The following DSG3 variants were observed in gnomAD, a reference collection of about 807,000 sequenced individuals.
DSG3 encodes the protein desmoglein-3.
A neutral mutation model predicts 85.9 loss-of-function variants in DSG3; 63 were observed. The ratio of observed to expected loss-of-function variants is 0.73; its 90% CI spans 0.60 to 0.90. The LOEUF is 0.90. Ranked by LOEUF, DSG3 falls within the 40% of genes least tolerant of loss-of-function variation. DSG3 has a pLI of 0.00. For missense variants in DSG3, 1,220 were observed against 1,219.9 expected (o/e 1.00, Z 0.00); for synonymous variants, 447 against 441.9 (o/e 1.01, Z -0.14).
chr18:31,458,600 G>C lies in DSG3; in HGVS notation c.372G>C (p.Leu124=). The change falls in exon 4 of 16, where the codon CTG becomes CTC. Residue 124 remains leucine (L), a splice_region_variant and synonymous_variant. Coordinates refer to ENST00000257189, the MANE Select transcript of DSG3 (RefSeq NM_001944.3). ...ACCGGGAGGAAACTCCAAGCTTCCTGGTAAGTTTGGGTCCTCAACATTGGG... is the reference window on the plus strand; with the variant it reads ...ACCGGGAGGAAACTCCAAGCTTCCTCGTAAGTTTGGGTCCTCAACATTGGG... The part of the protein sequence containing the change: ...IVDREETPSF[L]ITCRALNAQG... The C allele has an allele frequency of 6.2e-7, 1 of 1,611,916 alleles. No individual in the cohort carries two copies. The highest frequency in any genetic ancestry group is 1.1e-5 in the South Asian group (1 of 90,724).
At chr18:31,451,921 T>A (rs1309427027) in intron 1 of DSG3, among the ~76,000 whole-genome samples, 3 of 152,192 alleles carry the variant, frequency 2.0e-5, no homozygotes, top group Non-Finnish European at 4.4e-5. Context: ...CTTTGGGTAG[T>A]TCACCATAAG....
At chr18:31,464,922 A>G (rs1450415032) in intron 9 of DSG3, among the ~76,000 whole-genome samples, 2 of 152,012 alleles carry the variant, frequency 1.3e-5, no homozygotes, top group African/African-American at 4.8e-5. Flanking sequence ...GGATCACTTG[A>G]GGTTGGGAGT....
rs112018710 is a variant in DSG3, at chr18:31,460,081, C to T, written c.684+70C>T. 1.1e-3 allele frequency: 1,570 copies of T among 1,473,774 alleles called. 17 individuals carry two copies. In the African/African-American group the frequency reaches 0.02, roughly 18 times the overall value. The allele number at this position is 1,473,774 out of a possible 1,614,324, so 91.3% of individuals were successfully genotyped here. A position where few individuals can be genotyped will look rare whatever the true frequency, so the allele number is the denominator to read the frequency against. ...ATTATAAGAAAACCAAGAGAGGTGA[C>T]TCCATTTTACCCGAAAATTAAAAAA... On this transcript the variant is annotated intron_variant, in intron 6 of 15. Transcript: ENST00000257189.
rs2072774030 is a variant in DSG3 at position 31,460,016 on chromosome 18, A to T, written c.684+5A>T. 6.2e-7 allele frequency: 1 copy of T among 1,610,554 alleles called. No individual in the cohort carries two copies. The highest frequency in any genetic ancestry group is 1.7e-5 in the Admixed American group (1 of 59,596). ...ACCAATTCTCTTGACCGAGAGGTACAGCAAAGCACTTGGGGGAACATTCAA... is the reference window on the plus strand; with the variant it reads ...ACCAATTCTCTTGACCGAGAGGTACTGCAAAGCACTTGGGGGAACATTCAA... On this transcript the variant is annotated splice_donor_5th_base_variant and intron_variant, in intron 6 of 15. Transcript: ENST00000257189.
At chr18:31,457,381 T>A (rs940966270) in intron 3 of DSG3, among the ~76,000 whole-genome samples, 5 of 152,038 alleles carry the variant, frequency 3.3e-5, no homozygotes, top group Non-Finnish European at 7.4e-5. Flanking sequence ...GAAGGCTTAC[T>A]TGGATACAGA....
intron 1 of DSG3, among the ~76,000 whole-genome samples, chr18:31,449,133 A>G (rs2072696122): frequency 6.6e-6 from 1 of 152,158 alleles, no homozygotes; most frequent in South Asian, 2.1e-4. Context: ...CCTAGCCTCA[A>G]TGGATCCGTC....
In DSG3 at chr18:31,469,310, G is replaced by C. The variant is rs370583301; in HGVS notation, c.1858G>C (p.Ala620Pro). Residue 620 changes from alanine (A) to proline (P), a missense_variant, in exon 12 of 16, where the codon GCC becomes CCC. Transcript: ENST00000257189. ...RPHSGRLGPA[A>P]IGLLLLGLLL... is the part of the protein sequence containing the mutation. ...GCACTCAGGGAGGCTGGGGCCTGCC[G>C]CCATCGGCCTGCTGCTCCTTGGTCT... The C allele has an allele frequency of 6.2e-7, 1 of 1,613,522 alleles. No homozygotes were observed. Among genetic ancestry groups the C allele is most frequent in the Non-Finnish European group, 8.5e-7 (1 of 1,180,020 alleles).
At chr18:31,472,652 G>C in intron 13 of DSG3, 73 bp from the exon 14 acceptor site, 2 of 1,483,934 alleles carry the variant, frequency 1.3e-6, no homozygotes, top group Non-Finnish European at 1.9e-6. Context: ...AATTTGCAAA[G>C]GGCCACATGT....
Position 31,456,994 on chromosome 18 carries a change from C to T in DSG3, c.86C>T (p.Thr29Ile). The T allele has an allele frequency of 6.2e-7, 1 of 1,603,244 alleles. No individual in the cohort carries two copies. Among genetic ancestry groups the T allele is most frequent in the South Asian group, 1.1e-5 (1 of 88,324 alleles). Residue 29 changes from threonine (T) to isoleucine (I), a missense_variant and splice_region_variant, in exon 3 of 16, where the codon ACT becomes ATT. Transcript: ENST00000257189. Reference sequence around the variant, plus strand: ...AAATGGAATCCCTTTTTACATAAGACTAAAGGTCAATATGATGAAGAAGAG... The same window carrying T: ...AAATGGAATCCCTTTTTACATAAGATTAAAGGTCAATATGATGAAGAAGAG... ...ILVHGELRIE[T>I]KGQYDEEEMT... is the part of the protein sequence containing the mutation.
chr18:31,466,708 T>A lies in DSG3; in HGVS notation c.1590T>A (p.Asp530Glu), dbSNP rs372705160. The A allele has an allele frequency of 1.9e-6, 3 of 1,614,214 alleles. No individual in the cohort carries two copies. In the East Asian group the frequency reaches 6.7e-5, roughly 36 times the overall value. The stretch of plus-strand genomic sequence containing the variant: ...GCCCCTATACATTTGCACTGGAAGA[T>A]CAACCTGTAAAGTTGCCTGCCGTAT... ...YTGPYTFALE[D>E]QPVKLPAVWS... Residue 530 changes from aspartate to glutamate, a missense_variant, in exon 11 of 16, where the codon GAT (aspartate) becomes GAA (glutamate). Asp to Glu is a conservative substitution (Grantham distance 45). Coordinates refer to ENST00000257189, the MANE Select transcript of DSG3 (RefSeq NM_001944.3).
At chr18:31,471,049 G>C (rs1016356878) in intron 12 of DSG3, among the ~76,000 whole-genome samples, 34 of 152,172 alleles carry the variant, frequency 2.2e-4, no homozygotes, top group African/African-American at 7.7e-4. Flanking sequence ...GCAACAGTGT[G>C]TACAGTATAA....
rs1378783096 is a variant in DSG3 at position 31,477,953 on chromosome 18, G to A, written c.*1693G>A. ...TGGAATGCAAAGTAATCAAGTGTTTGTGCTTTCACCTAGAAGGGTGTGGTC... is the reference window on the plus strand; with the variant it reads ...TGGAATGCAAAGTAATCAAGTGTTTATGCTTTCACCTAGAAGGGTGTGGTC... On this transcript the variant is annotated 3_prime_UTR_variant, in exon 16 of 16. Transcript: ENST00000257189. 2.0e-5 allele frequency: 3 copies of A among 152,154 alleles called. No individual in the cohort carries two copies. The highest frequency in any genetic ancestry group is 1.9e-4 in the East Asian group (1 of 5,200). The allele number at this position is 152,154 out of a possible 1,614,324, so 9.4% of individuals were successfully genotyped here.
At chr18:31,463,215 TC>T (rs1453381072) in intron 8 of DSG3, among the ~76,000 whole-genome samples, 1 of 152,198 alleles carries the variant, frequency 6.6e-6, no homozygotes, top group African/African-American at 2.4e-5. Context: ...GTAGAATTAT[TC>T]CTTTGCTTTC....
At chr18:31,474,502 C>A in intron 15 of DSG3, 98 bp downstream of exon 15, 2 of 1,389,066 alleles carry the variant, frequency 1.4e-6, no homozygotes, top group Non-Finnish European at 1.9e-6. Context: ...TTATTTACAG[C>A]TTGTTAAAAT....
intron 1 of DSG3, among the ~76,000 whole-genome samples, chr18:31,455,399 A>C (rs571803743): frequency 6.6e-6 from 1 of 151,790 alleles, no homozygotes; most frequent in African/African-American, 2.4e-5. Flanking sequence ...GAGGGTTACA[A>C]GAAAAAAAAA....
At chr18:31,458,691 G>C (rs1239879278) in intron 4 of DSG3, 91 bp downstream of exon 4, 2 of 1,420,194 alleles carry the variant, frequency 1.4e-6, no homozygotes, top group Non-Finnish European at 1.9e-6. Flanking sequence ...ATTTAGAGGA[G>C]AGTTCAGTAC....
At position 31,457,023 on chromosome 18, in the gene DSG3, A is replaced by T. The variant is rs747978629; in HGVS notation, c.115A>T (p.Thr39Ser). Residue 39 changes from threonine (T) to serine (S), a missense_variant, in exon 3 of 16, where the codon ACT becomes TCT. Physicochemically the swap from Thr to Ser is moderately conservative, Grantham distance 58. Coordinates refer to ENST00000257189, the MANE Select transcript of DSG3 (RefSeq NM_001944.3). ...AGGTCAATATGATGAAGAAGAGATG[A>T]CTATGCAACAAGCTAAAAGAAGGCA... The part of the protein sequence containing the change: ...TKGQYDEEEM[T>S]MQQAKRRQKR... 3.1e-6 allele frequency: 5 copies of T among 1,613,014 alleles called. No homozygotes were observed. The Admixed American group carries it at 6.7e-5, about 22-fold the overall frequency.
In DSG3 at chr18:31,458,447, T is replaced by C; in HGVS notation, c.219T>C (p.Ile73=). The C allele has an allele frequency of 6.2e-7, 1 of 1,613,654 alleles. No homozygotes were observed. The highest frequency in any genetic ancestry group is 8.5e-7 in the Non-Finnish European group (1 of 1,179,800). The stretch of plus-strand genomic sequence containing the variant: ...GTTTTTGGTATTTGGGGCTGTAGAT[T>C]ACTTCAGATTACCAAGCAACCCAGA... ...DNSKRNPIAK[I]TSDYQATQKI... is the part of the protein sequence containing the mutation. The change falls in exon 4 of 16, where the codon ATT becomes ATC. Residue 73 remains isoleucine, a splice_region_variant and synonymous_variant. Coordinates refer to ENST00000257189, the MANE Select transcript of DSG3 (RefSeq NM_001944.3).
intron 1 of DSG3, among the ~76,000 whole-genome samples, chr18:31,452,329 G>T (rs1052024328): frequency 6.6e-6 from 1 of 151,948 alleles, no homozygotes; most frequent in Non-Finnish European, 1.5e-5. Flanking sequence ...GACCATCCTG[G>T]CCAACATGGT....
Sources: allele counts gnomAD v4.1 joint callset (sites outside exome capture counted in the v4.1 genomes callset), GRCh38; gene constraint gnomAD v4.1.1; transcripts MANE v1.5; gene names NCBI Gene and HGNC (gene_info 2026-07-23, HGNC 2026-07-21).